The following ITGB6 variants were observed in gnomAD, a reference collection of about 807,000 sequenced individuals.
ITGB6 encodes the protein integrin beta-6.
Under a neutral mutation model 84.5 loss-of-function variants are expected in ITGB6, and 80 were observed. The ratio of observed to expected loss-of-function variants is 0.95; its 90% CI spans 0.79 to 1.14. The LOEUF (loss-of-function observed/expected upper bound fraction) is 1.14, where lower values mean the gene tolerates loss of function less well. ITGB6 is among the 50% of genes most tolerant of loss of function. The probability of loss-of-function intolerance (pLI) is 0.00; values close to 1 mark genes in which losing one functional copy is unlikely to be tolerated. For synonymous variants in ITGB6, 383 were observed against 354.9 expected (o/e 1.08, Z -0.89); for missense variants, 1,006 against 968.0 (o/e 1.04, Z -0.52).
intron 7 of ITGB6, among the ~76,000 whole-genome samples, chr2:160,154,908 A>G (rs1362961251): frequency 1.3e-5 from 2 of 152,156 alleles, no homozygotes; most frequent in Admixed American, 6.5e-5. Context: ...GTAATCCCCA[A>G]TGTTGGAGAA....
At chr2:160,155,122 T>C (rs770426657) in intron 7 of ITGB6, among the ~76,000 whole-genome samples, 1 of 152,210 alleles carries the variant, frequency 6.6e-6, no homozygotes. Context: ...ATGCTTCCTG[T>C]ACAGCCTGCA....
At chr2:160,177,396 C>A (rs1221894602) in intron 4 of ITGB6, among the ~76,000 whole-genome samples, 2 of 151,884 alleles carry the variant, frequency 1.3e-5, no homozygotes, top group Non-Finnish European at 2.9e-5. Context: ...GAAACCCCAT[C>A]TCTACTGAAA....
chr2:160,110,210 G>A (rs893262012), intron 13 of ITGB6, among the ~76,000 whole-genome samples: 2 of 152,098 alleles, frequency 1.3e-5, no homozygotes, highest in East Asian at 1.9e-4. Context: ...GCTCTGGCAC[G>A]TAATTACTGC....
At position 160,100,237 on chromosome 2, in the gene ITGB6, C is replaced by T. The variant is rs1203802790; in HGVS notation, c.*1499G>A. ...GCTGTGACAATTCAATGGACAACCA[C>T]GAAGCCTCCACTACATAATGAACTA... On this transcript the variant is annotated 3_prime_UTR_variant, in exon 15 of 15. Transcript: ENST00000283249. 5.3e-5 allele frequency: 8 copies of T among 152,208 alleles called. No homozygotes were observed. The highest frequency in any genetic ancestry group is 7.2e-5 in the African/African-American group (3 of 41,444). 9.4% of individuals were successfully genotyped at this position (152,208 alleles called of 1,614,324 possible).
At chr2:160,106,876 C>T (rs1170746627) in intron 14 of ITGB6, among the ~76,000 whole-genome samples, 1 of 152,138 alleles carries the variant, frequency 6.6e-6, no homozygotes, top group Non-Finnish European at 1.5e-5. Flanking sequence ...GTATTTTCTC[C>T]AGTGATATCA....
At chr2:160,147,259 A>G (rs1364979812) in intron 7 of ITGB6, among the ~76,000 whole-genome samples, 1 of 152,158 alleles carries the variant, frequency 6.6e-6, no homozygotes, top group Non-Finnish European at 1.5e-5. Context: ...ACTCCTCCCC[A>G]CAAAAGCACA....
At chr2:160,131,103 T>C (rs1043997192) in intron 10 of ITGB6, among the ~76,000 whole-genome samples, 21 of 152,186 alleles carry the variant, frequency 1.4e-4, no homozygotes, top group Non-Finnish European at 2.9e-5. Flanking sequence ...AACTGTCATA[T>C]TGGTTTCATG....
At chr2:160,148,531 C>G (rs536892470) in intron 7 of ITGB6, among the ~76,000 whole-genome samples, 1 of 152,212 alleles carries the variant, frequency 6.6e-6, no homozygotes, top group Non-Finnish European at 1.5e-5. Context: ...CCAGCATGAT[C>G]GACGCAGAAG....
rs187471520 is a variant in ITGB6 at position 160,197,902 on chromosome 2, G to T, written c.141+1277C>A. On this transcript the variant is annotated intron_variant, in intron 2 of 14. Coordinates refer to ENST00000283249, the MANE Select transcript of ITGB6 (RefSeq NM_000888.5). ...ATTTACTTTTTGCTCCAACTGCCTC[G>T]ACTGGCATCCTCATAACTACTTCTA... 8.8e-4 allele frequency among the ~76,000 whole-genome samples: 134 copies of T among 152,290 alleles called. 1 individual carries two copies. The highest frequency in any genetic ancestry group is 2.7e-3 in the African/African-American group (114 of 41,554).
At chr2:160,199,140 A>G in intron 2 of ITGB6, 39 bp downstream of exon 2, 1 of 1,490,334 alleles carries the variant, frequency 6.7e-7, no homozygotes, top group Non-Finnish European at 9.4e-7. Flanking sequence ...ATTTAACTGC[A>G]GACAGGTTTT....
intron 7 of ITGB6, among the ~76,000 whole-genome samples, chr2:160,157,834 C>A (rs1684682695): frequency 6.6e-6 from 1 of 151,262 alleles, no homozygotes; most frequent in East Asian, 1.9e-4. Context: ...CTGGCAAAAC[C>A]TCGCTTTTAT....
At chr2:160,142,765 C>A (rs1574080671) in intron 7 of ITGB6, among the ~76,000 whole-genome samples, 1 of 152,164 alleles carries the variant, frequency 6.6e-6, no homozygotes, top group East Asian at 1.9e-4. Flanking sequence ...AATATGAGTT[C>A]ATCATCACTC....
chr2:160,199,054 C>T, intron 2 of ITGB6, 125 bp downstream of exon 2: 1 of 686,984 alleles, frequency 1.5e-6, no homozygotes, highest in South Asian at 2.0e-5. Context: ...CTTCTCCTTT[C>T]CTGATTTGTT....
intron 7 of ITGB6, among the ~76,000 whole-genome samples, chr2:160,165,498 T>C (rs1684969470): frequency 6.6e-6 from 1 of 152,164 alleles, no homozygotes. Flanking sequence ...TTATTTTCTC[T>C]CTCTATTTTC....
chr2:160,136,721 T>A (rs373333501), intron 10 of ITGB6, among the ~76,000 whole-genome samples: 1 of 152,108 alleles, frequency 6.6e-6, no homozygotes, highest in Non-Finnish European at 1.5e-5. Context: ...CTATGCAGCC[T>A]TAAAAAATGA....
intron 10 of ITGB6, among the ~76,000 whole-genome samples, chr2:160,132,540 T>C (rs1330882596): frequency 6.6e-6 from 1 of 152,172 alleles, no homozygotes; most frequent in Admixed American, 6.5e-5. Context: ...ACTTGCTTAG[T>C]TTTCTATAAA....
intron 8 of ITGB6, among the ~76,000 whole-genome samples, chr2:160,138,938 T>G (rs991699057): frequency 3.7e-4 from 57 of 152,344 alleles, no homozygotes; most frequent in African/African-American, 1.3e-3. Context: ...TCATGACTGC[T>G]GCCTGGCACC....
intron 10 of ITGB6, among the ~76,000 whole-genome samples, chr2:160,134,492 A>G (rs1001832435): frequency 6.6e-6 from 1 of 152,224 alleles, no homozygotes; most frequent in South Asian, 2.1e-4. Flanking sequence ...AGGAGCTGGT[A>G]CCATTCCTTC....
At chr2:160,189,639 C>T (rs1181051254) in intron 4 of ITGB6, among the ~76,000 whole-genome samples, 1 of 146,064 alleles carries the variant, frequency 6.8e-6, no homozygotes, top group Non-Finnish European at 1.5e-5. Context: ...AAATGCAAAT[C>T]AAAACCACAA....
Sources: allele counts gnomAD v4.1 joint callset (sites outside exome capture counted in the v4.1 genomes callset), GRCh38; gene constraint gnomAD v4.1.1; transcripts MANE v1.5; gene names NCBI Gene and HGNC (gene_info 2026-07-23, HGNC 2026-07-21).